Variants in SHANK2 observed in about 807,000 individuals in gnomAD.
SHANK2 encodes SH3 and multiple ankyrin repeat domains 2.
SHANK2 carries 43 observed loss-of-function variants against 133.7 expected under a neutral mutation model. That is an observed-to-expected ratio of 0.32 (90% confidence interval 0.25 to 0.41). The LOEUF (loss-of-function observed/expected upper bound fraction) is 0.41. Ranked by LOEUF, SHANK2 falls within the 10% of genes least tolerant of loss-of-function variation. SHANK2 has a pLI of 1.00. For synonymous variants in SHANK2, 1,017 were observed against 952.8 expected, an observed-to-expected ratio of 1.07 and a Z score of -1.24; for missense variants, 1,994 against 2,235.8, an observed-to-expected ratio of 0.89 and a Z score of 2.18.
intron 17 of SHANK2, among the ~76,000 whole-genome samples, chr11:70,617,065 CTGAG>C (rs2060754146): frequency 6.6e-6 from 1 of 150,720 alleles, no homozygotes; most frequent in Non-Finnish European, 1.5e-5. Flanking sequence ...GTGGCAGTGT[CTGAG>C]TGTGTGTATA....
At chr11:70,916,488 T>G (rs573226090) in intron 10 of SHANK2, among the ~76,000 whole-genome samples, 1 of 152,264 alleles carries the variant, frequency 6.6e-6, no homozygotes, top group Admixed American at 6.5e-5. Flanking sequence ...CAGTCACTCA[T>G]GTGTATGTGT....
At chr11:70,574,229 C>T (rs1048825629) in intron 17 of SHANK2, among the ~76,000 whole-genome samples, 2 of 152,232 alleles carry the variant, frequency 1.3e-5, no homozygotes, top group South Asian at 2.1e-4. Flanking sequence ...ACACAGACTG[C>T]GGAGGTGTGG....
intron 11 of SHANK2, among the ~76,000 whole-genome samples, chr11:70,827,578 A>C (rs1948661790): frequency 6.6e-6 from 1 of 151,258 alleles, no homozygotes. Context: ...TCCAGGGGCA[A>C]GGTTCTGTTG....
intron 14 of SHANK2, among the ~76,000 whole-genome samples, chr11:70,718,279 TCA>T (rs1945990990): frequency 6.6e-6 from 1 of 152,208 alleles, no homozygotes; most frequent in South Asian, 2.1e-4. Context: ...TCTTGGCCGT[TCA>T]GAGCCCTGCT....
rs2060488835 is a variant in SHANK2 at position 70,601,039 on chromosome 11, C to CTATATA, written c.2061+58788_2061+58789insTATATA. On this transcript the variant is annotated intron_variant, in intron 17 of 25. Transcript: ENST00000601538. ...AATATATCTATATCTATATCTATAT[C>CTATATA]TATATCTATATCTATATCTATATCT... 2.0e-5 allele frequency among the ~76,000 whole-genome samples: 3 copies of CTATATA among 151,228 alleles called. No homozygotes were observed. In the South Asian group the frequency reaches 6.3e-4, roughly 32 times the overall value.
At chr11:70,564,834 G>A (rs1232283058) in intron 17 of SHANK2, among the ~76,000 whole-genome samples, 1 of 152,042 alleles carries the variant, frequency 6.6e-6, no homozygotes, top group Non-Finnish European at 1.5e-5. Context: ...GTTTGATTTG[G>A]GTTAAAATGT....
chr11:70,531,213 AT>A (rs1554973134), intron 17 of SHANK2, among the ~76,000 whole-genome samples: 1 of 150,088 alleles, frequency 6.7e-6, no homozygotes, highest in African/African-American at 2.4e-5. Context: ...GTTTACATGT[AT>A]TTTACTATGA....
At chr11:70,846,526 G>A (rs1395440025) in intron 11 of SHANK2, among the ~76,000 whole-genome samples, 2 of 152,106 alleles carry the variant, frequency 1.3e-5, no homozygotes, top group Non-Finnish European at 2.9e-5. Flanking sequence ...AAGGCACTGG[G>A]ATTATAGACA....
intron 10 of SHANK2, among the ~76,000 whole-genome samples, chr11:70,950,466 C>T (rs1046267752): frequency 6.6e-6 from 1 of 151,974 alleles, no homozygotes; most frequent in Non-Finnish European, 1.5e-5. Flanking sequence ...GCTGGGATTA[C>T]AGGCGTGAGC....
chr11:70,620,268 C>T (rs1554997226), intron 17 of SHANK2, among the ~76,000 whole-genome samples: 3 of 152,244 alleles, frequency 2.0e-5, no homozygotes, highest in South Asian at 2.1e-4. Flanking sequence ...CTGCATAGCC[C>T]GGCTGGCTCT....
intron 14 of SHANK2, among the ~76,000 whole-genome samples, chr11:70,777,569 C>T (rs1947393992): frequency 6.6e-6 from 1 of 151,506 alleles, no homozygotes; most frequent in African/African-American, 2.5e-5. Context: ...CTTTCTCAGC[C>T]CCTACTCCAT....
chr11:71,073,979 G>A (rs1179444619), intron 9 of SHANK2, among the ~76,000 whole-genome samples: 8 of 152,262 alleles, frequency 5.3e-5, no homozygotes, highest in African/African-American at 9.6e-5. Context: ...AAGAGAGCCC[G>A]GCTCCTCACG....
In SHANK2 at chr11:70,496,269, C is replaced by T. The variant is rs185371214; in HGVS notation, c.2309-3804G>A. ...ATGAGCCAAATCTTCAAGAAGCTCC[C>T]GTTTCCAACTGGGCCCTTCCAGAAG... On this transcript the variant is annotated intron_variant, in intron 21 of 25. Transcript: ENST00000601538. 2.3e-3 allele frequency among the ~76,000 whole-genome samples: 353 copies of T among 152,302 alleles called. 1 individual carries two copies. Among genetic ancestry groups the T allele is most frequent in the African/African-American group, 8.3e-3 (345 of 41,548 alleles).
intron 9 of SHANK2, among the ~76,000 whole-genome samples, chr11:71,069,394 T>G (rs1466567299): frequency 6.6e-6 from 1 of 151,624 alleles, no homozygotes; most frequent in Non-Finnish European, 1.5e-5. Flanking sequence ...ACCTTCATCA[T>G]TATCACCATC....
intron 14 of SHANK2, among the ~76,000 whole-genome samples, chr11:70,708,754 T>C (rs1011193540): frequency 3.3e-5 from 5 of 152,222 alleles, no homozygotes; most frequent in African/African-American, 1.2e-4. Flanking sequence ...AGCTTTTTCA[T>C]TCTTTTCCCC....
chr11:71,142,372 A>T (rs1952572945), intron 3 of SHANK2, among the ~76,000 whole-genome samples: 1 of 152,132 alleles, frequency 6.6e-6, no homozygotes, highest in African/African-American at 2.4e-5. Flanking sequence ...GTGGTGGCGC[A>T]TGCCTATAAT....
At position 70,767,073 on chromosome 11, in the gene SHANK2, A is replaced by G. The variant is rs562571163; in HGVS notation, c.1777+31370T>C. ...CAGGGTCCCTGCCCCAAGGAGTTGC[A>G]GAGTGGGGACACAGATGAGAGAAGT... is the stretch of plus-strand genomic sequence containing the variant. On this transcript the variant is annotated intron_variant, in intron 14 of 25. Coordinates refer to ENST00000601538, the MANE Select transcript of SHANK2 (RefSeq NM_012309.5). Among the ~76,000 whole-genome samples, 8 of 152,334 alleles carry G rather than the reference A, an allele frequency of 5.3e-5. No homozygotes were observed. The East Asian group carries it at 1.5e-3, about 29-fold the overall frequency.
intron 1 of SHANK2, among the ~76,000 whole-genome samples, chr11:71,240,077 C>T (rs564329321): frequency 7.2e-5 from 11 of 152,270 alleles, no homozygotes; most frequent in Middle Eastern, 3.4e-3. Context: ...CCTCGTTCTT[C>T]GGGAGAATGA....
At position 70,739,302 on chromosome 11, in the gene SHANK2, C is replaced by CCATCTCCACA. The variant is rs553522423; in HGVS notation, c.1778-40549_1778-40540dup. ...TCCACCCATCTCCACTCATCTCCAC[C>CCATCTCCACA]CATCTCCACACATCTCCACACATCT... On this transcript the variant is annotated intron_variant, in intron 14 of 25. Coordinates refer to ENST00000601538, the MANE Select transcript of SHANK2 (RefSeq NM_012309.5). The surrounding 1 kb of genome is among the most constrained non-coding windows in gnomAD (Gnocchi z 4.3). Among the ~76,000 whole-genome samples the CCATCTCCACA allele has an allele frequency of 2.2e-4, 33 of 152,288 alleles. No individual in the cohort carries two copies. The highest frequency in any genetic ancestry group is 1.0e-3 in the Admixed American group (16 of 15,306).
Sources: gnomAD v4.1 joint callset for allele counts (sites outside exome capture counted in the v4.1 genomes callset) on GRCh38, gnomAD v4.1.1 for gene constraint, Gnocchi (gnomAD v3.1) non-coding constraint, MANE v1.5 for transcripts, NCBI Gene and HGNC (gene_info 2026-07-23, HGNC 2026-07-21) for gene names.